The following TMEM132B variants were observed in gnomAD, a reference collection of about 807,000 sequenced individuals.
The protein encoded by TMEM132B is transmembrane protein 132B.
In TMEM132B, 18 loss-of-function variants were observed where a neutral mutation model predicts 90.8. That is an observed-to-expected ratio of 0.20 (90% confidence interval 0.14 to 0.29). The LOEUF (loss-of-function observed/expected upper bound fraction) is 0.29, where lower values mean the gene tolerates loss of function less well. Ranked by LOEUF, TMEM132B falls within the 10% of genes least tolerant of loss-of-function variation. TMEM132B has a pLI of 1.00. For synonymous variants in TMEM132B, 504 were observed against 523.3 expected (o/e 0.96, Z 0.50); for missense variants, 1,096 against 1,326.8 (o/e 0.83, Z 2.70).
chr12:125,432,730 A>G lies in TMEM132B; in HGVS notation c.1106+17053A>G, dbSNP rs140247176. On this transcript the variant is annotated intron_variant, in intron 3 of 8. Transcript: ENST00000682704. ...CTTAACAAGCAGTGCATTAAAAAGC[A>G]TGAAAACTGACAAGCACTGGCTCAT... Among the ~76,000 whole-genome samples, 170 of 152,118 alleles carry G rather than the reference A, an allele frequency of 1.1e-3. 3 individuals are homozygous for G. In the East Asian group the frequency reaches 0.031, roughly 28 times the overall value.
At chr12:125,509,291 C>G (rs1333747241) in intron 3 of TMEM132B, among the ~76,000 whole-genome samples, 1 of 152,186 alleles carries the variant, frequency 6.6e-6, no homozygotes, top group Non-Finnish European at 1.5e-5. Flanking sequence ...TGTAACCTGC[C>G]TGGGCCGGGG....
chr12:125,315,381 T>G (rs912866383), intron 1 of TMEM132B, among the ~76,000 whole-genome samples: 1 of 152,188 alleles, frequency 6.6e-6, no homozygotes, highest in Non-Finnish European at 1.5e-5. Context: ...GTATTTTTAG[T>G]AGAGACGGGG....
chr12:125,415,573 C>T lies in TMEM132B; in HGVS notation c.1002C>T (p.Val334=). 1.9e-6 allele frequency: 3 copies of T among 1,614,184 alleles called. No individual in the cohort carries two copies. Among genetic ancestry groups the T allele is most frequent in the Non-Finnish European group, 2.5e-6 (3 of 1,180,036 alleles). Residue 334 remains valine (V), a synonymous_variant, in exon 3 of 9, where the codon GTC becomes GTT. Coordinates refer to ENST00000682704, the MANE Select transcript of TMEM132B (RefSeq NM_001366854.1). This position sits in a 1 kb window ranked among gnomAD's most constrained non-coding sequence, Gnocchi z 5.3. Reference sequence around the variant, plus strand: ...GTGTGAAGATAACGGCAGTGAGAGTCAGCAGTGAGGACCAATGGGCAGTCC... The same window carrying T: ...GTGTGAAGATAACGGCAGTGAGAGTTAGCAGTGAGGACCAATGGGCAGTCC... ...AAGVKITAVR[V]SSEDQWAVQE... is the part of the protein sequence containing the mutation.
chr12:125,409,580 T>TGGAGG (rs1879631316), intron 2 of TMEM132B, among the ~76,000 whole-genome samples: 1 of 118,302 alleles, frequency 8.5e-6, no homozygotes, highest in Admixed American at 8.1e-5. Flanking sequence ...GTGAGTGGAG[T>TGGAGG]GGAGTGGAGT....
intron 3 of TMEM132B, among the ~76,000 whole-genome samples, chr12:125,485,612 C>T (rs117762837): frequency 0.015 from 2,260 of 152,278 alleles, 27 homozygotes; most frequent in Non-Finnish European, 0.023. Flanking sequence ...TGAATTGTTT[C>T]TCTCTTCTTT....
At chr12:125,192,539 T>C (rs1205551936) in intron 1 of TMEM132B, among the ~76,000 whole-genome samples, 1 of 152,176 alleles carries the variant, frequency 6.6e-6, no homozygotes, top group Non-Finnish European at 1.5e-5. Flanking sequence ...GTGCATTGGC[T>C]CAGTCATAGC....
intron 3 of TMEM132B, among the ~76,000 whole-genome samples, chr12:125,423,854 A>C (rs1194159929): frequency 2.0e-5 from 3 of 152,210 alleles, no homozygotes; most frequent in African/African-American, 7.2e-5. Context: ...TTTCTGTACT[A>C]ATAAAGAATA....
At chr12:125,645,396 C>T (rs1886738499) in intron 6 of TMEM132B, among the ~76,000 whole-genome samples, 1 of 152,118 alleles carries the variant, frequency 6.6e-6, no homozygotes. Flanking sequence ...AAGCCCTCTG[C>T]AAGCAGAGAG....
intron 1 of TMEM132B, among the ~76,000 whole-genome samples, chr12:125,245,508 T>G (rs988336159): frequency 6.6e-6 from 1 of 152,058 alleles, no homozygotes; most frequent in Non-Finnish European, 1.5e-5. Flanking sequence ...CTCTGACTCC[T>G]GAGACAGGCA....
At chr12:125,284,561 T>A (rs528102859) in intron 1 of TMEM132B, among the ~76,000 whole-genome samples, 1 of 152,250 alleles carries the variant, frequency 6.6e-6, no homozygotes, top group Non-Finnish European at 1.5e-5. Context: ...GGGTCTTCCA[T>A]GCCAGTTTGC....
At chr12:125,310,611 G>C (rs533405052) in intron 1 of TMEM132B, among the ~76,000 whole-genome samples, 2 of 152,106 alleles carry the variant, frequency 1.3e-5, no homozygotes, top group East Asian at 3.9e-4. Flanking sequence ...TTCTCTACTC[G>C]GAAAGCTCCC....
intron 4 of TMEM132B, among the ~76,000 whole-genome samples, chr12:125,582,028 T>G (rs1885065696): frequency 6.6e-6 from 1 of 152,146 alleles, no homozygotes; most frequent in Non-Finnish European, 1.5e-5. Context: ...AAAACAAACT[T>G]AATTTTTCAC....
chr12:125,361,795 A>G (rs909916373), intron 2 of TMEM132B, among the ~76,000 whole-genome samples: 2 of 152,168 alleles, frequency 1.3e-5, no homozygotes, highest in African/African-American at 2.4e-5. Flanking sequence ...TCCCAATTGC[A>G]TTGGAGTCTG....
chr12:125,254,468 G>A (rs1348760898), intron 1 of TMEM132B, among the ~76,000 whole-genome samples: 2 of 151,966 alleles, frequency 1.3e-5, no homozygotes, highest in Non-Finnish European at 2.9e-5. Flanking sequence ...TTTCCTTGAG[G>A]TTTTGCTTGT....
intron 1 of TMEM132B, among the ~76,000 whole-genome samples, chr12:125,334,826 C>T (rs1876903705): frequency 6.6e-6 from 1 of 152,234 alleles, no homozygotes; most frequent in African/African-American, 2.4e-5. Context: ...CATTAGACTT[C>T]ACTTACAAAG....
At chr12:125,572,538 A>G (rs1884825669) in intron 4 of TMEM132B, among the ~76,000 whole-genome samples, 1 of 152,184 alleles carries the variant, frequency 6.6e-6, no homozygotes, top group Non-Finnish European at 1.5e-5. Flanking sequence ...TTCTTTATAA[A>G]TTACCCAGTC....
chr12:125,625,442 T>G (rs1886212604), intron 5 of TMEM132B, among the ~76,000 whole-genome samples: 1 of 152,200 alleles, frequency 6.6e-6, no homozygotes, highest in Non-Finnish European at 1.5e-5. Context: ...CAGATTTGAC[T>G]TCTTTCCCTA....
rs1215371245 is a variant in TMEM132B, at chr12:125,459,464, A to G, written c.1106+43787A>G. 6.6e-6 allele frequency among the ~76,000 whole-genome samples: 1 copy of G among 152,202 alleles called. No individual in the cohort carries two copies. Among genetic ancestry groups the G allele is most frequent in the African/African-American group, 2.4e-5 (1 of 41,460 alleles). ...TTCTCACTTATTTGTGGGATGTAAA[A>G]ATCAAAACAATTGAAATCATGGACA... On this transcript the variant is annotated intron_variant, in intron 3 of 8. Coordinates refer to ENST00000682704, the MANE Select transcript of TMEM132B (RefSeq NM_001366854.1). This position sits in a 1 kb window ranked among gnomAD's most constrained non-coding sequence, Gnocchi z 4.1.
At chr12:125,465,473 A>G (rs1881539058) in intron 3 of TMEM132B, among the ~76,000 whole-genome samples, 1 of 152,212 alleles carries the variant, frequency 6.6e-6, no homozygotes, top group African/African-American at 2.4e-5. Context: ...GGTATCTAGA[A>G]ATGAACTGCT....
Sources: gnomAD v4.1 joint callset for allele counts (sites outside exome capture counted in the v4.1 genomes callset) on GRCh38, gnomAD v4.1.1 for gene constraint, Gnocchi (gnomAD v3.1) non-coding constraint, MANE v1.5 for transcripts, NCBI Gene and HGNC (gene_info 2026-07-23, HGNC 2026-07-21) for gene names.